The following SART3 variants were observed in gnomAD, a reference collection of about 807,000 sequenced individuals.
The protein encoded by SART3 is HIV-1 Tat-interacting protein of 110kDa.
In SART3, 44 loss-of-function variants were observed where a neutral mutation model predicts 122.3. The observed-to-expected ratio is 0.36, with a 90% CI of 0.28 to 0.46. The LOEUF is 0.46. Ranked by LOEUF, SART3 falls within the 20% of genes least tolerant of loss-of-function variation. SART3 has a pLI of 1.00. For synonymous variants in SART3, 442 were observed against 454.0 expected, an observed-to-expected ratio of 0.97 and a Z score of 0.34; for missense variants, 1,101 against 1,229.0, an observed-to-expected ratio of 0.90 and a Z score of 1.56.
At chr12:108,549,971 C>G (rs769573461) in intron 1 of SART3, among the ~76,000 whole-genome samples, 2 of 147,380 alleles carry the variant, frequency 1.4e-5, no homozygotes, top group Non-Finnish European at 1.5e-5. Context: ...CGAGACCACA[C>G]CACTGCACTC....
intron 6 of SART3, among the ~76,000 whole-genome samples, chr12:108,541,891 G>A (rs920351729): frequency 1.3e-5 from 2 of 151,658 alleles, no homozygotes; most frequent in African/African-American, 4.8e-5. Context: ...TGACAATGCA[G>A]TGGCATGATT....
chr12:108,526,828 G>T (rs1250185688), intron 15 of SART3, among the ~76,000 whole-genome samples: 1 of 152,112 alleles, frequency 6.6e-6, no homozygotes, highest in East Asian at 1.9e-4. Context: ...TATACAAAAG[G>T]TCAGTGGATC....
chr12:108,548,428 A>G (rs1345241785), intron 2 of SART3, among the ~76,000 whole-genome samples: 2 of 152,256 alleles, frequency 1.3e-5, no homozygotes, highest in African/African-American at 2.4e-5. Context: ...ACTGAGTCTT[A>G]GAATGTTTAC....
chr12:108,548,323 G>T (rs138798627), intron 2 of SART3, among the ~76,000 whole-genome samples: 52 of 152,322 alleles, frequency 3.4e-4, no homozygotes, highest in African/African-American at 1.2e-3. Flanking sequence ...AACATGCCAG[G>T]CATGTGTTAA....
intron 12 of SART3, 46 bp downstream of exon 12, chr12:108,535,313 C>T (rs752157307): frequency 4.8e-4 from 700 of 1,470,546 alleles, no homozygotes; most frequent in Non-Finnish European, 5.2e-4. Context: ...AAGACAGGTG[C>T]ACAGCTGACA....
In SART3 at chr12:108,561,011, G is replaced by A. The variant is rs112168031; in HGVS notation, c.144C>T (p.Tyr48=). 2.4e-5 allele frequency: 39 copies of A among 1,614,164 alleles called. No homozygotes were observed. The highest frequency in any genetic ancestry group is 3.3e-4 in the Middle Eastern group (2 of 6,062). ...GATCCCACGCTGGCCCCATGGTCTT[G>A]TATGTCGCAGCGGCCACAGCCCGCG... ...VLSRAVAAAT[Y]KTMGPAWDQQ... is the part of the protein sequence containing the mutation. The change falls in exon 1 of 19, where the codon TAC becomes TAT. Residue 48 remains tyrosine, a synonymous_variant. Coordinates refer to ENST00000546815, the MANE Select transcript of SART3 (RefSeq NM_014706.4).
At chr12:108,524,916 CTT>C in intron 17 of SART3, 1 of 321,146 alleles carries the variant, frequency 3.1e-6, no homozygotes, top group Non-Finnish European at 5.9e-6. Flanking sequence ...ATTTCATCCT[CTT>C]TTTCTCTCCA....
At chr12:108,525,318 ATCTT>A (rs1872320474) in intron 17 of SART3, 135 bp downstream of exon 17, 3 of 852,096 alleles carry the variant, frequency 3.5e-6, no homozygotes, top group Admixed American at 2.0e-5. Context: ...CTAAGTGCAG[ATCTT>A]TCTGTGAAAT....
At chr12:108,529,442 T>C (rs1186059515) in intron 15 of SART3, among the ~76,000 whole-genome samples, 2 of 151,948 alleles carry the variant, frequency 1.3e-5, no homozygotes, top group African/African-American at 2.4e-5. Flanking sequence ...CAGGGCTGAG[T>C]TATGGAAAGT....
intron 6 of SART3, among the ~76,000 whole-genome samples, chr12:108,542,264 G>C (rs1400325868): frequency 6.6e-6 from 1 of 152,134 alleles, no homozygotes; most frequent in Non-Finnish European, 1.5e-5. Context: ...ATCAAATTAA[G>C]TAAAATTTAA....
At chr12:108,544,739 A>G (rs550140419) in intron 4 of SART3, 99 of 607,316 alleles carry the variant, frequency 1.6e-4, no homozygotes, top group African/African-American at 1.4e-3. Flanking sequence ...CTAATGTTTT[A>G]GTTCTTGTAG....
chr12:108,544,806 C>A, intron 4 of SART3: 1 of 569,558 alleles, frequency 1.8e-6, no homozygotes. Context: ...CTCAAGTGAT[C>A]CTCTGGCCTC....
chr12:108,546,907 C>T lies in SART3; in HGVS notation c.544+980G>A, dbSNP rs143807062. ...CAACCTCAACTCGCTGCAACCTCCA[C>T]TTCCCAGGTTCAAGCAATTCTCCTG... is the stretch of plus-strand genomic sequence containing the variant. On this transcript the variant is annotated intron_variant, in intron 3 of 18. Transcript: ENST00000546815. 1.1e-3 allele frequency among the ~76,000 whole-genome samples: 172 copies of T among 152,250 alleles called. 1 individual carries two copies. Among genetic ancestry groups the T allele is most frequent in the African/African-American group, 3.7e-3 (154 of 41,544 alleles).
At chr12:108,554,804 A>G (rs1210119231) in intron 1 of SART3, among the ~76,000 whole-genome samples, 1 of 151,920 alleles carries the variant, frequency 6.6e-6, no homozygotes, top group South Asian at 2.1e-4. Context: ...AGACAAGGAA[A>G]AGAAACAGAT....
intron 1 of SART3, among the ~76,000 whole-genome samples, chr12:108,559,902 G>A (rs2030416982): frequency 6.6e-6 from 1 of 152,144 alleles, no homozygotes; most frequent in Non-Finnish European, 1.5e-5. Context: ...TCCTTGACAG[G>A]AAACTGGGGC....
Position 108,532,244 on chromosome 12 carries a change from T to TA in SART3, c.1646dup (p.Leu549PhefsTer22), listed in dbSNP as rs1872710587. 6.2e-7 allele frequency: 1 copy of TA among 1,613,896 alleles called. No homozygotes were observed. Among genetic ancestry groups the TA allele is most frequent in the African/African-American group, 1.3e-5 (1 of 74,908 alleles). ...CACCTTCTGTCCTCTCCATGGTGAG[T>TA]AACACTTCGCAGACGTGCTCTGGGT... On this transcript the variant is annotated frameshift_variant, in exon 13 of 19. Coordinates refer to ENST00000546815, the MANE Select transcript of SART3 (RefSeq NM_014706.4). LOFTEE classifies it high-confidence loss of function.
chr12:108,525,396 G>C, intron 17 of SART3, 61 bp downstream of exon 17: 1 of 1,582,832 alleles, frequency 6.3e-7, no homozygotes, highest in Non-Finnish European at 8.7e-7. Flanking sequence ...TCTTTGAACC[G>C]ATACAGAAAC....
At chr12:108,558,289 A>G (rs544253252) in intron 1 of SART3, among the ~76,000 whole-genome samples, 1 of 152,370 alleles carries the variant, frequency 6.6e-6, no homozygotes, top group South Asian at 2.1e-4. Context: ...CAGTTACAGC[A>G]GGAAGAAGCA....
intron 12 of SART3, chr12:108,532,551 T>TA: frequency 2.0e-6 from 1 of 502,912 alleles, no homozygotes; most frequent in Non-Finnish European, 3.6e-6. Context: ...CTCAGCCATG[T>TA]AGGGGCTACT....
Sources: gnomAD v4.1 joint callset for allele counts (sites outside exome capture counted in the v4.1 genomes callset) on GRCh38, gnomAD v4.1.1 for gene constraint, MANE v1.5 for transcripts, NCBI Gene and HGNC (gene_info 2026-07-23, HGNC 2026-07-21) for gene names.